The following CHEK1 variants were observed in gnomAD, a reference collection of about 807,000 sequenced individuals.
CHEK1 encodes checkpoint kinase 1, also known as serine/threonine-protein kinase Chk1.
A neutral mutation model predicts 60.2 loss-of-function variants in CHEK1; 32 were observed. The ratio of observed to expected loss-of-function variants is 0.53; its 90% CI spans 0.40 to 0.71. CHEK1 has a LOEUF of 0.71. CHEK1 is among the 30% of genes least tolerant of loss of function. CHEK1 has a pLI of 0.00. For synonymous variants in CHEK1, 179 were observed against 187.2 expected (o/e 0.96, Z 0.36); for missense variants, 399 against 564.6 (o/e 0.71, Z 2.97).
At chr11:125,651,065 G>GTA (rs1941709276) in intron 11 of CHEK1, among the ~76,000 whole-genome samples, 1 of 151,988 alleles carries the variant, frequency 6.6e-6, no homozygotes, top group African/African-American at 2.4e-5. Flanking sequence ...AGATTCCCAG[G>GTA]TATATGTTGG....
chr11:125,646,836 T>C (rs980030378), intron 11 of CHEK1, among the ~76,000 whole-genome samples: 1 of 152,220 alleles, frequency 6.6e-6, no homozygotes, highest in Admixed American at 6.5e-5. Flanking sequence ...AGAGTTCTTT[T>C]ACATTCTGGA....
chr11:125,675,675 T>C (rs2134116586), intron 13 of CHEK1, among the ~76,000 whole-genome samples: 1 of 152,324 alleles, frequency 6.6e-6, no homozygotes, highest in South Asian at 2.1e-4. Context: ...TATTAGTTTA[T>C]CCATTCAATA....
intron 7 of CHEK1, chr11:125,636,036 A>G (rs1396888561): frequency 6.6e-6 from 1 of 152,222 alleles, no homozygotes; most frequent in Non-Finnish European, 1.5e-5. Context: ...GAATTGTAAC[A>G]TAATGGTATT....
downstream of CHEK1, among the ~76,000 whole-genome samples, chr11:125,678,812 G>A (rs1316434401): frequency 6.6e-6 from 1 of 151,488 alleles, no homozygotes; most frequent in Non-Finnish European, 1.5e-5. Context: ...CTTTGGACAG[G>A]GATGACAAGT....
intron 6 of CHEK1, among the ~76,000 whole-genome samples, chr11:125,633,964 G>C (rs1435302958): frequency 6.6e-6 from 1 of 150,574 alleles, no homozygotes; most frequent in Non-Finnish European, 1.5e-5. Context: ...TCTCATGGTG[G>C]ACAGCCAAGA....
downstream of CHEK1, chr11:125,680,897 C>G: frequency 1.2e-6 from 1 of 825,152 alleles, no homozygotes; most frequent in Non-Finnish European, 2.0e-6. Flanking sequence ...AATTCTAGAA[C>G]CTCAGAAGTA....
At chr11:125,630,313 G>C (rs533074175) in intron 5 of CHEK1, among the ~76,000 whole-genome samples, 1 of 144,494 alleles carries the variant, frequency 6.9e-6, no homozygotes. Context: ...CAAATGGTCA[G>C]CTTTTTTTTT....
At chr11:125,657,507 C>A (rs1342228451), downstream of CHEK1, among the ~76,000 whole-genome samples, 1 of 152,120 alleles carries the variant, frequency 6.6e-6, no homozygotes, top group Admixed American at 6.5e-5. Context: ...TGGTGATAAT[C>A]TTTTCCTTCG....
At chr11:125,641,627 A>G (rs1182676426) in intron 8 of CHEK1, among the ~76,000 whole-genome samples, 1 of 152,086 alleles carries the variant, frequency 6.6e-6, no homozygotes, top group East Asian at 1.9e-4. Flanking sequence ...TTCCTTTTCA[A>G]AGTCTTTCCC....
chr11:125,666,403 CT>C (rs368420476), intron 13 of CHEK1, among the ~76,000 whole-genome samples: 9 of 152,212 alleles, frequency 5.9e-5, no homozygotes, highest in African/African-American at 1.7e-4. Context: ...TTTCTTGAGA[CT>C]TGTTTTGTGG....
chr11:125,657,863 A>T (rs542499570), downstream of CHEK1, among the ~76,000 whole-genome samples: 2 of 152,128 alleles, frequency 1.3e-5, no homozygotes, highest in Non-Finnish European at 2.9e-5. Flanking sequence ...ATAGCTGGAT[A>T]TTAGGATAGA....
At chr11:125,678,458 A>G (rs1203861531), downstream of CHEK1, among the ~76,000 whole-genome samples, 1 of 152,184 alleles carries the variant, frequency 6.6e-6, no homozygotes, top group Admixed American at 6.5e-5. Flanking sequence ...TCAACTAAGT[A>G]TCCCAAAAGG....
At position 125,625,660 on chromosome 11, in the gene CHEK1, C is replaced by T; in HGVS notation, c.-373C>T. On this transcript the variant is annotated 5_prime_UTR_variant, in exon 1 of 13. Transcript: ENST00000438015. ...CGCGGTCGGTCGCGCGCCCCTGAGG[C>T]TTGGAGGCCTGGGCTTCCCCCAGCA... 2 of 604,616 alleles carry T rather than the reference C, an allele frequency of 3.3e-6. No homozygotes were observed. The highest frequency in any genetic ancestry group is 3.8e-5 in the South Asian group (2 of 52,482). 37.5% of individuals were successfully genotyped at this position (604,616 alleles called of 1,614,324 possible). A position where few individuals can be genotyped will look rare whatever the true frequency, so the allele number is the denominator to read the frequency against.
At chr11:125,668,146 G>A (rs985746819) in intron 13 of CHEK1, among the ~76,000 whole-genome samples, 2 of 152,050 alleles carry the variant, frequency 1.3e-5, no homozygotes, top group Non-Finnish European at 2.9e-5. Context: ...TTCAAGGTCC[G>A]CATTCAAATT....
chr11:125,660,218 G>A (rs1941987245), downstream of CHEK1, among the ~76,000 whole-genome samples: 1 of 152,244 alleles, frequency 6.6e-6, no homozygotes. Flanking sequence ...AGAATTTTTT[G>A]ATAGTGATAG....
intron 11 of CHEK1, among the ~76,000 whole-genome samples, chr11:125,645,201 A>C (rs1247085187): frequency 6.6e-6 from 1 of 152,136 alleles, no homozygotes; most frequent in Non-Finnish European, 1.5e-5. Flanking sequence ...GTTATTAAAA[A>C]TAGTAGGGAG....
chr11:125,664,059 T>C (rs1441653648), intron 13 of CHEK1, among the ~76,000 whole-genome samples: 1 of 152,114 alleles, frequency 6.6e-6, no homozygotes, highest in Non-Finnish European at 1.5e-5. Context: ...AGTCTATGTG[T>C]CTGCTTTTGT....
At chr11:125,661,318 T>C (rs1367670711), downstream of CHEK1, among the ~76,000 whole-genome samples, 1 of 152,080 alleles carries the variant, frequency 6.6e-6, no homozygotes, top group African/African-American at 2.4e-5. Context: ...TCTTGCTTAG[T>C]ATTTTATTTT....
chr11:125,639,201 T>C (rs1452604108), intron 8 of CHEK1, among the ~76,000 whole-genome samples: 1 of 152,108 alleles, frequency 6.6e-6, no homozygotes, highest in Non-Finnish European at 1.5e-5. Flanking sequence ...GTTTTCTACG[T>C]ACTGCACACT....
Sources: allele counts gnomAD v4.1 joint callset (sites outside exome capture counted in the v4.1 genomes callset), GRCh38; gene constraint gnomAD v4.1.1; transcripts MANE v1.5; gene names NCBI Gene and HGNC (gene_info 2026-07-23, HGNC 2026-07-21).